The following CLEC2A variants were observed in gnomAD, a reference collection of about 807,000 sequenced individuals.
CLEC2A encodes the protein keratinocyte-associated C-type lectin.
A neutral mutation model predicts 18.6 loss-of-function variants in CLEC2A; 19 were observed. That is an observed-to-expected ratio of 1.02 (90% CI 0.71 to 1.50). CLEC2A has a LOEUF of 1.50. CLEC2A is among the 40% of genes most tolerant of loss of function. The probability of loss-of-function intolerance (pLI) is 0.00; values close to 1 mark genes in which losing one functional copy is unlikely to be tolerated. For missense variants in CLEC2A, 190 were observed against 207.9 expected, an observed-to-expected ratio of 0.91 and a Z score of 0.53; for synonymous variants, 74 against 64.0, an observed-to-expected ratio of 1.16 and a Z score of -0.75.
At chr12:9,906,612 T>A (rs1862911330) in intron 4 of CLEC2A, among the ~76,000 whole-genome samples, 1 of 152,180 alleles carries the variant, frequency 6.6e-6, no homozygotes, top group Non-Finnish European at 1.5e-5. Context: ...TGCAAGCATT[T>A]TAAAGCCTGG....
At chr12:9,879,336 C>T in the CLEC2A span, among the ~76,000 whole-genome samples, 9 of 152,264 alleles carry the variant, frequency 5.9e-5, no homozygotes, top group South Asian at 1.9e-3. Flanking sequence ...TCTTCGCAGA[C>T]CAGGAACCAC....
Position 9,922,191 on chromosome 12 carries a change from C to A in CLEC2A, c.181G>T (p.Asp61Tyr). ...CACTTATCTCTCACTCCAAGCCAGT[C>A]CCCTGAACATGCCACAGGTTTAGCA... is the stretch of plus-strand genomic sequence containing the variant. ...KHAKPVACSG[D>Y]WLGVRDKCFY... The change falls in exon 3 of 5, where the codon GAC (aspartate) becomes TAC (tyrosine). Residue 61 changes from aspartate (D) to tyrosine (Y), a missense_variant. Asp to Tyr is a radical substitution (Grantham distance 160). Coordinates refer to ENST00000455827, the MANE Select transcript of CLEC2A (RefSeq NM_001130711.2). The A allele has an allele frequency of 5.8e-6, 9 of 1,550,436 alleles. No individual in the cohort carries two copies. Among genetic ancestry groups the A allele is most frequent in the South Asian group, 1.2e-5 (1 of 83,684 alleles).
chr12:9,924,797 T>C (rs1863241227), intron 2 of CLEC2A, among the ~76,000 whole-genome samples: 1 of 152,210 alleles, frequency 6.6e-6, no homozygotes, highest in African/African-American at 2.4e-5. Flanking sequence ...CTCAGGCATA[T>C]AGACTCTTTT....
At chr12:9,906,354 T>A (rs1429976774) in intron 4 of CLEC2A, among the ~76,000 whole-genome samples, 1 of 152,220 alleles carries the variant, frequency 6.6e-6, no homozygotes, top group Non-Finnish European at 1.5e-5. Context: ...GCAGCCTGTT[T>A]GGCTACCTGA....
At chr12:9,883,837 G>A in the CLEC2A span, among the ~76,000 whole-genome samples, 1 of 152,116 alleles carries the variant, frequency 6.6e-6, no homozygotes, top group African/African-American at 2.4e-5. Context: ...ACCTATTGAA[G>A]TAAAGCATCC....
the CLEC2A span, chr12:9,893,118 TG>T: frequency 1.3e-6 from 2 of 1,535,694 alleles, no homozygotes; most frequent in Admixed American, 3.9e-5. Context: ...TCAACGTGAT[TG>T]TACACAGCTA....
intron 2 of CLEC2A, among the ~76,000 whole-genome samples, chr12:9,923,585 C>T (rs1245816906): frequency 1.3e-5 from 2 of 152,078 alleles, no homozygotes; most frequent in Non-Finnish European, 1.5e-5. Context: ...TGGGTATATA[C>T]CCGAAGGATT....
the CLEC2A span, chr12:9,892,952 T>C: frequency 7.9e-7 from 1 of 1,273,702 alleles, no homozygotes; most frequent in Non-Finnish European, 1.1e-6. Flanking sequence ...GTAGTCACAT[T>C]TGATAATATT....
intron 4 of CLEC2A, among the ~76,000 whole-genome samples, chr12:9,904,842 A>T (rs7310410): frequency 0.68 from 102,836 of 152,020 alleles, 35,141 homozygotes; most frequent in African/African-American, 0.75. Context: ...CCTTGCAACT[A>T]CTTTGAAAAA....
downstream of CLEC2A, among the ~76,000 whole-genome samples, chr12:9,909,372 G>T (rs1308321581): frequency 6.6e-6 from 1 of 152,194 alleles, no homozygotes; most frequent in African/African-American, 2.4e-5. Flanking sequence ...TAACTGGGGG[G>T]TGTTCATGTT....
intron 1 of CLEC2A, among the ~76,000 whole-genome samples, chr12:9,926,919 G>A (rs1342706643): frequency 3.3e-5 from 5 of 152,132 alleles, no homozygotes; most frequent in Non-Finnish European, 5.9e-5. Flanking sequence ...TTTGACACTC[G>A]TGGAAATGCT....
At chr12:9,881,397 A>C in the CLEC2A span, 1 of 496,820 alleles carries the variant, frequency 2.0e-6, no homozygotes, top group Non-Finnish European at 3.6e-6. Context: ...AGATATTAAC[A>C]AGCTTATATC....
At chr12:9,908,109 C>T (rs1591786998) in intron 4 of CLEC2A, among the ~76,000 whole-genome samples, 1 of 152,286 alleles carries the variant, frequency 6.6e-6, no homozygotes, top group East Asian at 1.9e-4. Context: ...GGGCCTCAAG[C>T]TTATTCTGCC....
chr12:9,893,031 T>C, the CLEC2A span: 3 of 1,535,578 alleles, frequency 2.0e-6, no homozygotes, highest in Non-Finnish European at 2.6e-6. Flanking sequence ...ACACAATTAC[T>C]TGTGCCCAAA....
At chr12:9,932,245 C>A in intron 1 of CLEC2A, 30 bp downstream of exon 1, 1 of 1,456,678 alleles carries the variant, frequency 6.9e-7, no homozygotes, top group Non-Finnish European at 9.4e-7. Flanking sequence ...CTTTCCTTTA[C>A]TTCCTTCTCA....
chr12:9,925,606 T>G (rs1055668633), intron 2 of CLEC2A, among the ~76,000 whole-genome samples: 2 of 152,168 alleles, frequency 1.3e-5, no homozygotes, highest in African/African-American at 2.4e-5. Context: ...TCACAAACTC[T>G]AAAAAAGAAA....
At chr12:9,890,833 C>A in the CLEC2A span, among the ~76,000 whole-genome samples, 3 of 152,176 alleles carry the variant, frequency 2.0e-5, no homozygotes, top group African/African-American at 7.2e-5. Flanking sequence ...GTCATGTGCA[C>A]CAGAGGCTGG....
intron 4 of CLEC2A, among the ~76,000 whole-genome samples, chr12:9,906,667 C>G (rs912880928): frequency 6.6e-6 from 1 of 152,174 alleles, no homozygotes; most frequent in Admixed American, 6.5e-5. Context: ...AATTATTAGC[C>G]AATCTTCCTG....
At chr12:9,880,919 C>A in the CLEC2A span, among the ~76,000 whole-genome samples, 1 of 152,208 alleles carries the variant, frequency 6.6e-6, no homozygotes, top group African/African-American at 2.4e-5. Context: ...TCTGGACTCT[C>A]TGTGACTCAG....
Sources: gnomAD v4.1 joint callset for allele counts (sites outside exome capture counted in the v4.1 genomes callset) on GRCh38, gnomAD v4.1.1 for gene constraint, MANE v1.5 for transcripts, NCBI Gene and HGNC (gene_info 2026-07-23, HGNC 2026-07-21) for gene names.